The following EYS variants were observed in gnomAD, a reference collection of about 807,000 sequenced individuals.
EYS encodes the protein protein eyes shut homolog.
Under a neutral mutation model 282.1 loss-of-function variants are expected in EYS, and 250 were observed. The observed-to-expected ratio is 0.89, with a 90% CI of 0.80 to 0.98. The LOEUF is 0.98. EYS is among the 50% of genes least tolerant of loss of function. The pLI is 0.00. For missense variants in EYS, 4,016 were observed against 3,709.0 expected (o/e 1.08, Z -2.15); for synonymous variants, 1,355 against 1,282.9 (o/e 1.06, Z -1.20).
At chr6:65,616,486 T>A (rs921172064) in intron 2 of EYS, among the ~76,000 whole-genome samples, 2 of 152,076 alleles carry the variant, frequency 1.3e-5, no homozygotes, top group African/African-American at 4.8e-5. Context: ...TTCCTATATG[T>A]TTTAAGAAGT....
intron 12 of EYS, among the ~76,000 whole-genome samples, chr6:65,117,444 G>C (rs1278781504): frequency 6.6e-6 from 1 of 152,124 alleles, no homozygotes; most frequent in Non-Finnish European, 1.5e-5. Flanking sequence ...GCTAAGTGTT[G>C]TGCCTTTTCA....
intron 15 of EYS, among the ~76,000 whole-genome samples, chr6:64,921,967 A>C: frequency 6.6e-6 from 1 of 151,738 alleles, no homozygotes; most frequent in East Asian, 2.0e-4. Context: ...AACAAGAACA[A>C]AAATTAAAAA....
At position 64,861,159 on chromosome 6, in the gene EYS, GT is replaced by G. The variant is rs1460058010; in HGVS notation, c.2992+25537del. ...GTGTCCAGGCTGTTCATGCCCAGGG[GT>G]TCTGGCAGGCCAGTGCGGAACTGCC... On this transcript the variant is annotated intron_variant, in intron 19 of 42. Coordinates refer to ENST00000503581, the MANE Select transcript of EYS (RefSeq NM_001142800.2). Among the ~76,000 whole-genome samples the G allele has an allele frequency of 2.0e-4, 31 of 152,304 alleles. No individual in the cohort carries two copies. In the East Asian group the frequency reaches 6.0e-3, roughly 29 times the overall value.
chr6:64,625,283 G>T (rs1231283564), intron 23 of EYS, among the ~76,000 whole-genome samples: 1 of 152,146 alleles, frequency 6.6e-6, no homozygotes, highest in Non-Finnish European at 1.5e-5. Flanking sequence ...ATGATCAAAG[G>T]TAGAGATGGC....
At chr6:63,814,787 G>C (rs1479508059) in intron 36 of EYS, among the ~76,000 whole-genome samples, 2 of 152,148 alleles carry the variant, frequency 1.3e-5, no homozygotes, top group Non-Finnish European at 2.9e-5. Flanking sequence ...CATAATCATA[G>C]TATCTGCAAT....
intron 36 of EYS, among the ~76,000 whole-genome samples, chr6:63,816,803 A>C (rs1427687113): frequency 2.0e-5 from 3 of 152,226 alleles, no homozygotes; most frequent in African/African-American, 7.2e-5. Flanking sequence ...AACAAACGTA[A>C]TACCCAATAA....
chr6:64,117,424 G>A (rs1467969607), intron 31 of EYS, among the ~76,000 whole-genome samples: 1 of 148,436 alleles, frequency 6.7e-6, no homozygotes, highest in African/African-American at 2.5e-5. Context: ...ATGAAACTAA[G>A]AGTTGGTTTT....
intron 2 of EYS, among the ~76,000 whole-genome samples, chr6:65,524,028 C>T (rs1442852313): frequency 1.3e-5 from 2 of 152,118 alleles, no homozygotes; most frequent in South Asian, 2.1e-4. Flanking sequence ...CACAACACCA[C>T]GCCCTGCTAA....
At chr6:65,483,277 T>A (rs1430967731) in intron 5 of EYS, among the ~76,000 whole-genome samples, 2 of 152,056 alleles carry the variant, frequency 1.3e-5, no homozygotes, top group Admixed American at 1.3e-4. Context: ...GCTCTTAAGT[T>A]TTGAAATATG....
At chr6:64,172,451 C>T (rs776256299) in intron 31 of EYS, among the ~76,000 whole-genome samples, 6 of 152,090 alleles carry the variant, frequency 3.9e-5, no homozygotes, top group African/African-American at 1.4e-4. Context: ...AGTTACCACG[C>T]GTGAGCGAAA....
intron 26 of EYS, among the ~76,000 whole-genome samples, chr6:64,463,815 C>G (rs1476801034): frequency 6.6e-6 from 1 of 152,048 alleles, no homozygotes; most frequent in Non-Finnish European, 1.5e-5. Flanking sequence ...TCTTATCAAA[C>G]AAAATCCCCG....
At chr6:64,799,824 A>T (rs1360986473) in intron 22 of EYS, among the ~76,000 whole-genome samples, 1 of 151,866 alleles carries the variant, frequency 6.6e-6, no homozygotes, top group Middle Eastern at 3.2e-3. Flanking sequence ...ATAAAGTAGA[A>T]TTGGACAGTT....
intron 31 of EYS, among the ~76,000 whole-genome samples, chr6:64,196,784 A>T (rs1425588325): frequency 6.6e-6 from 1 of 151,238 alleles, no homozygotes; most frequent in Non-Finnish European, 1.5e-5. Context: ...TAGGAGATAT[A>T]CCTAATGCTA....
chr6:65,145,513 G>T (rs1412818617), intron 12 of EYS, among the ~76,000 whole-genome samples: 1 of 142,676 alleles, frequency 7.0e-6, no homozygotes, highest in South Asian at 2.2e-4. Context: ...TATGTAAGAG[G>T]AAAAAAAAAA....
chr6:64,498,729 T>C (rs1351431412), intron 26 of EYS, among the ~76,000 whole-genome samples: 1 of 152,088 alleles, frequency 6.6e-6, no homozygotes, highest in African/African-American at 2.4e-5. Flanking sequence ...TGGTGTTTGG[T>C]TCCTGTGTTA....
intron 30 of EYS, among the ~76,000 whole-genome samples, chr6:64,296,339 T>A (rs1048330369): frequency 1.3e-5 from 2 of 152,160 alleles, no homozygotes; most frequent in Non-Finnish European, 2.9e-5. Context: ...ATATGTTTGC[T>A]GATACATATA....
chr6:64,136,608 T>G (rs1031129795), intron 31 of EYS, among the ~76,000 whole-genome samples: 6 of 152,044 alleles, frequency 3.9e-5, no homozygotes, highest in African/African-American at 1.4e-4. Context: ...TGAAAAAAAA[T>G]TAATCAACTT....
intron 11 of EYS, chr6:65,302,431 C>A (rs1401640988): frequency 1.9e-5 from 12 of 632,398 alleles, no homozygotes; most frequent in African/African-American, 1.7e-4. Flanking sequence ...AAGATTAAAC[C>A]CATTTCACGA....
At chr6:64,748,922 A>G (rs1562169601) in intron 22 of EYS, among the ~76,000 whole-genome samples, 1 of 152,108 alleles carries the variant, frequency 6.6e-6, no homozygotes, top group East Asian at 1.9e-4. Context: ...ACAGGGTTGT[A>G]CCACAATGCC....
Sources: gnomAD v4.1 joint callset for allele counts (sites outside exome capture counted in the v4.1 genomes callset) on GRCh38, gnomAD v4.1.1 for gene constraint, MANE v1.5 for transcripts, NCBI Gene and HGNC (gene_info 2026-07-23, HGNC 2026-07-21) for gene names.